TAFA2: variants seen among roughly 807,000 people sequenced by gnomAD.
TAFA2 encodes the protein chemokine-like protein TAFA-2.
A neutral mutation model predicts 18.8 loss-of-function variants in TAFA2; 7 were observed. That is an observed-to-expected ratio of 0.37 (90% CI 0.21 to 0.70). The LOEUF is 0.70. Among genes scored for constraint, TAFA2 ranks in the 30% least tolerant of loss-of-function variants. TAFA2 has a pLI of 0.53. For missense variants in TAFA2, 122 were observed against 158.1 expected (o/e 0.77, Z 1.23); for synonymous variants, 60 against 54.2 (o/e 1.11, Z -0.47).
At chr12:61,790,138 C>A (rs1260816837) in intron 2 of TAFA2, among the ~76,000 whole-genome samples, 1 of 149,360 alleles carries the variant, frequency 6.7e-6, no homozygotes, top group African/African-American at 2.5e-5. Context: ...TCCATAGGTA[C>A]AGGAAAAGTA....
intron 2 of TAFA2, among the ~76,000 whole-genome samples, chr12:61,778,960 T>C (rs532595441): frequency 6.6e-6 from 1 of 151,338 alleles, no homozygotes; most frequent in South Asian, 2.1e-4. Context: ...AAATGTGCCC[T>C]GTTGAAAAGG....
At chr12:62,258,797 T>G (rs1333322477) in exon 1 of TAFA2, 5 of 346,790 alleles carry the variant, frequency 1.4e-5, no homozygotes, top group South Asian at 8.1e-5. Flanking sequence ...TTCCATATTC[T>G]GCAGCTTCCC....
At chr12:61,928,940 A>G (rs1016418950) in intron 1 of TAFA2, among the ~76,000 whole-genome samples, 2 of 152,050 alleles carry the variant, frequency 1.3e-5, no homozygotes, top group African/African-American at 2.4e-5. Flanking sequence ...TTCTCACTCA[A>G]AAGTGGGAGT....
At chr12:62,023,931 A>G (rs1881230582) in intron 1 of TAFA2, among the ~76,000 whole-genome samples, 1 of 152,222 alleles carries the variant, frequency 6.6e-6, no homozygotes, top group South Asian at 2.1e-4. Context: ...TAGGAGAGTT[A>G]AATAGGCATT....
chr12:62,074,445 A>G (rs1882710379), intron 1 of TAFA2, among the ~76,000 whole-genome samples: 1 of 152,204 alleles, frequency 6.6e-6, no homozygotes, highest in Non-Finnish European at 1.5e-5. Context: ...TTATGAGCTA[A>G]TTAATAATTT....
intron 1 of TAFA2, among the ~76,000 whole-genome samples, chr12:62,133,569 G>C (rs1325089473): frequency 6.6e-6 from 1 of 152,034 alleles, no homozygotes; most frequent in Non-Finnish European, 1.5e-5. Flanking sequence ...TGAGCAAACA[G>C]TTCCGTTAAA....
intron 1 of TAFA2, among the ~76,000 whole-genome samples, chr12:61,889,587 C>A (rs1823879397): frequency 1.3e-5 from 2 of 152,148 alleles, no homozygotes; most frequent in South Asian, 2.1e-4. Context: ...AAGAATTGTT[C>A]TAAATCCAAG....
At chr12:61,905,263 G>A (rs1592475018) in intron 1 of TAFA2, among the ~76,000 whole-genome samples, 1 of 152,064 alleles carries the variant, frequency 6.6e-6, no homozygotes, top group Non-Finnish European at 1.5e-5. Context: ...CTGTTCAAAA[G>A]TCTAGGCCAT....
intron 1 of TAFA2, among the ~76,000 whole-genome samples, chr12:62,112,616 C>T (rs561214477): frequency 6.6e-6 from 1 of 152,120 alleles, no homozygotes; most frequent in Non-Finnish European, 1.5e-5. Context: ...CTTTTAGGTA[C>T]ACCAATGAAA....
rs536579629 is a variant in TAFA2, at chr12:62,012,782, C to A, written c.-1-145356G>T. 1.9e-4 allele frequency among the ~76,000 whole-genome samples: 29 copies of A among 152,202 alleles called. No individual in the cohort carries two copies. The South Asian group carries it at 5.8e-3, about 30-fold the overall frequency. ...ATACTACTAAATATTCCACAAATAA[C>A]ACACTCAGAAGAAAAAAAATAAAAT... On this transcript the variant is annotated intron_variant, in intron 1 of 4. Coordinates refer to ENST00000416284, the MANE Select transcript of TAFA2 (RefSeq NM_178539.5).
intron 4 of TAFA2, 29 bp from the exon 5 acceptor site, chr12:61,710,446 C>A (rs762765222): frequency 1.9e-6 from 3 of 1,543,312 alleles, no homozygotes; most frequent in African/African-American, 1.4e-5. Context: ...ATATAGTCAA[C>A]ATTTCATAAC....
chr12:62,079,812 G>T (rs2136817962), intron 1 of TAFA2, among the ~76,000 whole-genome samples: 1 of 152,262 alleles, frequency 6.6e-6, no homozygotes, highest in Non-Finnish European at 1.5e-5. Flanking sequence ...CAAAAAAAGT[G>T]CATCAAGCAG....
chr12:62,048,093 A>G (rs9668144), intron 1 of TAFA2, among the ~76,000 whole-genome samples: 64,208 of 152,130 alleles, frequency 0.42, 14,351 homozygotes, highest in Middle Eastern at 0.57. Context: ...TGAGTTGAAT[A>G]GTTTTGATAA....
At chr12:61,778,059 C>T (rs898978687) in intron 2 of TAFA2, among the ~76,000 whole-genome samples, 7 of 151,634 alleles carry the variant, frequency 4.6e-5, no homozygotes, top group East Asian at 2.0e-4. Flanking sequence ...AATGACCTTG[C>T]GCAAGTTATT....
At chr12:61,992,635 A>G (rs1049327125) in intron 1 of TAFA2, among the ~76,000 whole-genome samples, 3 of 152,120 alleles carry the variant, frequency 2.0e-5, no homozygotes, top group Non-Finnish European at 4.4e-5. Flanking sequence ...CATCTTCACC[A>G]TATACCTAAG....
At chr12:61,835,970 TA>T (rs1872902730) in intron 2 of TAFA2, among the ~76,000 whole-genome samples, 1 of 151,886 alleles carries the variant, frequency 6.6e-6, no homozygotes, top group Non-Finnish European at 1.5e-5. Flanking sequence ...AGTATGGAAA[TA>T]ATGGTAAATA....
At chr12:62,051,479 A>G (rs1408288221) in intron 1 of TAFA2, among the ~76,000 whole-genome samples, 1 of 152,124 alleles carries the variant, frequency 6.6e-6, no homozygotes, top group Admixed American at 6.5e-5. Flanking sequence ...ACATTTAAGC[A>G]ACTGCTTTTC....
intron 1 of TAFA2, among the ~76,000 whole-genome samples, chr12:62,003,304 G>A (rs147993431): frequency 1.4e-3 from 208 of 152,080 alleles, no homozygotes; most frequent in Non-Finnish European, 2.3e-3. Context: ...GCCATGAACC[G>A]CACCCCCTTA....
chr12:61,795,836 AC>A (rs1017459840), intron 2 of TAFA2, among the ~76,000 whole-genome samples: 1 of 152,018 alleles, frequency 6.6e-6, no homozygotes, highest in Non-Finnish European at 1.5e-5. Context: ...ATCAAGACTT[AC>A]AGTACTGACA....
Sources: allele counts gnomAD v4.1 joint callset (sites outside exome capture counted in the v4.1 genomes callset), GRCh38; gene constraint gnomAD v4.1.1; transcripts MANE v1.5; gene names NCBI Gene and HGNC (gene_info 2026-07-23, HGNC 2026-07-21).